The following DENND4A variants were observed in gnomAD, a reference collection of about 807,000 sequenced individuals.
The protein encoded by DENND4A is C-myc promoter-binding protein.
DENND4A carries 70 observed loss-of-function variants against 199.3 expected under a neutral mutation model. The ratio of observed to expected loss-of-function variants is 0.35; its 90% CI spans 0.29 to 0.43. The LOEUF (loss-of-function observed/expected upper bound fraction) is 0.43. DENND4A is among the 20% of genes least tolerant of loss of function. The probability of loss-of-function intolerance (pLI) is 1.00; values close to 1 mark genes in which losing one functional copy is unlikely to be tolerated. For synonymous variants in DENND4A, 686 were observed against 766.9 expected (o/e 0.89, Z 1.74); for missense variants, 1,723 against 2,255.8 (o/e 0.76, Z 4.78).
At position 65,715,529 on chromosome 15, in the gene DENND4A, A is replaced by G; in HGVS notation, c.1902T>C (p.Phe634=). The G allele has an allele frequency of 1.2e-6, 2 of 1,611,838 alleles. No homozygotes were observed. Residue 634 remains phenylalanine, a synonymous_variant, in exon 14 of 33, where the codon TTT becomes TTC. Coordinates refer to ENST00000443035, the MANE Select transcript of DENND4A (RefSeq NM_001320835.1). The part of the protein sequence containing the change: ...MFIRFIEECS[F]VSDKDASLAF... Reference sequence around the variant, plus strand: ...CCAGGCTTGCATCTTTGTCACTAACAAAAGAACATTCTTCAATGAAGCGAA... The same window carrying G: ...CCAGGCTTGCATCTTTGTCACTAACGAAAGAACATTCTTCAATGAAGCGAA...
Position 65,718,055 on chromosome 15 carries a change from C to T in DENND4A, c.1589-59G>A, listed in dbSNP as rs185393347. The T allele has an allele frequency of 2.6e-4, 326 of 1,259,148 alleles. No homozygotes were observed. In the African/African-American group the frequency reaches 4.4e-3, roughly 17 times the overall value. The allele number at this position is 1,259,148 out of a possible 1,614,324, so 78.0% of individuals were successfully genotyped here. On this transcript the variant is annotated intron_variant, in intron 12 of 32. Transcript: ENST00000443035. ...AACTCACAAAACACTCATGATGGTA[C>T]CAATATAATTTTGTTGTATTTTCAA...
At chr15:65,710,011 T>C (rs2075198762) in intron 14 of DENND4A, among the ~76,000 whole-genome samples, 1 of 152,094 alleles carries the variant, frequency 6.6e-6, no homozygotes, top group South Asian at 2.1e-4. Flanking sequence ...TCAGAATTCA[T>C]AATCTTTAAG....
chr15:65,674,399 G>A (rs1223106766), intron 24 of DENND4A, among the ~76,000 whole-genome samples: 4 of 152,194 alleles, frequency 2.6e-5, no homozygotes, highest in African/African-American at 7.2e-5. Context: ...GGTTCTAGAT[G>A]CTATGAATGT....
At chr15:65,769,895 T>G (rs936061802) in intron 1 of DENND4A, among the ~76,000 whole-genome samples, 1 of 152,012 alleles carries the variant, frequency 6.6e-6, no homozygotes, top group Admixed American at 6.6e-5. Flanking sequence ...AGACCAGAAA[T>G]CAAATAGTTT....
At chr15:65,791,852 C>A (rs1337926946) in intron 1 of DENND4A, among the ~76,000 whole-genome samples, 158 bp downstream of exon 1, 1 of 152,180 alleles carries the variant, frequency 6.6e-6, no homozygotes, top group Non-Finnish European at 1.5e-5. Context: ...AGCCGCGGAG[C>A]ACCTCCCGGA....
intron 1 of DENND4A, among the ~76,000 whole-genome samples, chr15:65,761,759 T>C (rs1042929598): frequency 2.0e-5 from 3 of 151,106 alleles, no homozygotes; most frequent in Non-Finnish European, 4.4e-5. Flanking sequence ...GGGCAAAGAG[T>C]GTGAGAAAGA....
At chr15:65,677,927 C>CTTTTTTTT (rs11071847) in intron 23 of DENND4A, among the ~76,000 whole-genome samples, 10 of 100,078 alleles carry the variant, frequency 1.0e-4, no homozygotes, top group East Asian at 8.6e-4. Context: ...CCTCTTATCT[C>CTTTTTTTT]TTTTTTTTTT....
intron 20 of DENND4A, among the ~76,000 whole-genome samples, chr15:65,698,690 A>G (rs1174591108): frequency 7.0e-6 from 1 of 142,476 alleles, no homozygotes; most frequent in Non-Finnish European, 1.5e-5. Flanking sequence ...GATGAAATTC[A>G]TGCTTTTATT....
At chr15:65,738,372 G>T (rs1197655668) in intron 6 of DENND4A, among the ~76,000 whole-genome samples, 1 of 151,882 alleles carries the variant, frequency 6.6e-6, no homozygotes, top group Non-Finnish European at 1.5e-5. Context: ...AATGTCCAAG[G>T]TCCCTTCCAA....
At chr15:65,676,197 TGGAA>T (rs1310101972) in intron 24 of DENND4A, among the ~76,000 whole-genome samples, 1 of 148,254 alleles carries the variant, frequency 6.7e-6, no homozygotes, top group Non-Finnish European at 1.5e-5. Flanking sequence ...AAAGCAACGA[TGGAA>T]GGATAAACCA....
At chr15:65,680,224 C>CAT (rs1463158976) in intron 23 of DENND4A, among the ~76,000 whole-genome samples, 1 of 152,202 alleles carries the variant, frequency 6.6e-6, no homozygotes, top group Non-Finnish European at 1.5e-5. Flanking sequence ...GCTGATCTCT[C>CAT]TTATGACTAC....
intron 23 of DENND4A, among the ~76,000 whole-genome samples, chr15:65,680,480 GAATT>G (rs2076533837): frequency 6.6e-6 from 1 of 152,088 alleles, no homozygotes; most frequent in African/African-American, 2.4e-5. Context: ...ATGCATACAA[GAATT>G]ACTTAGTATA....
At chr15:65,718,394 G>A (rs1042410955) in intron 12 of DENND4A, among the ~76,000 whole-genome samples, 5 of 151,950 alleles carry the variant, frequency 3.3e-5, no homozygotes, top group African/African-American at 1.2e-4. Flanking sequence ...CTATATATAA[G>A]TTAATAATGA....
intron 1 of DENND4A, among the ~76,000 whole-genome samples, chr15:65,763,217 A>AT (rs2076897406): frequency 6.6e-6 from 1 of 152,180 alleles, no homozygotes; most frequent in Non-Finnish European, 1.5e-5. Flanking sequence ...CACAGAAATC[A>AT]TAAGCACCTC....
chr15:65,751,198 T>C (rs570731837), intron 4 of DENND4A, among the ~76,000 whole-genome samples: 3 of 152,264 alleles, frequency 2.0e-5, no homozygotes, highest in African/African-American at 7.2e-5. Context: ...AATAGAGGCG[T>C]TGTGAAGTGG....
At chr15:65,715,691 T>C (rs1353434263) in intron 13 of DENND4A, 68 bp from the exon 14 acceptor site, 7 of 1,428,274 alleles carry the variant, frequency 4.9e-6, no homozygotes, top group Non-Finnish European at 6.5e-6. Context: ...ATATTTGCAC[T>C]AGAAAGAATC....
Position 65,668,040 on chromosome 15 carries a change from G to C in DENND4A, c.4871C>G (p.Pro1624Arg). ...AATACTCCTGGCCATTGGAAATATT[G>C]GACATTTAGACATAGCTGTTTTTGA... ...NRSKTAMSKCPIFPMARSIST... is the reference protein window; with the variant it reads ...NRSKTAMSKCRIFPMARSIST... Residue 1624 changes from proline to arginine, a missense_variant, in exon 28 of 33, where the codon CCA (proline) becomes CGA (arginine). Around this residue, in one of 6 missense-constraint regions of DENND4A, gnomAD observed 141 missense variants for 170.7 expected, o/e 0.83. Coordinates refer to ENST00000443035, the MANE Select transcript of DENND4A (RefSeq NM_001320835.1). 1 of 1,612,342 alleles carries C rather than the reference G, an allele frequency of 6.2e-7. No individual in the cohort carries two copies. Among genetic ancestry groups the C allele is most frequent in the Non-Finnish European group, 8.5e-7 (1 of 1,179,502 alleles).
At chr15:65,731,052 C>A (rs117371650) in intron 9 of DENND4A, among the ~76,000 whole-genome samples, 1 of 151,980 alleles carries the variant, frequency 6.6e-6, no homozygotes, top group Non-Finnish European at 1.5e-5. Flanking sequence ...GCAATTCTTA[C>A]AAAATTAATG....
intron 3 of DENND4A, chr15:65,753,953 G>C (rs1165130996): frequency 6.6e-6 from 1 of 150,490 alleles, no homozygotes; most frequent in East Asian, 2.0e-4. Flanking sequence ...TCCTGCCTCA[G>C]CCTCCCAAGT....
Sources: gnomAD v4.1 joint callset for allele counts (sites outside exome capture counted in the v4.1 genomes callset) on GRCh38, gnomAD v4.1.1 for gene constraint, gnomAD v4.1.1 regional missense constraint, MANE v1.5 for transcripts, NCBI Gene and HGNC (gene_info 2026-07-23, HGNC 2026-07-21) for gene names.